Variants in TNNI3K observed in about 807,000 individuals in gnomAD.
TNNI3K encodes serine/threonine-protein kinase TNNI3K.
In TNNI3K, 140 loss-of-function variants were observed where a neutral mutation model predicts 114.5. The ratio of observed to expected loss-of-function variants is 1.22; its 90% CI spans 1.07 to 1.41. The LOEUF is 1.41. Among genes scored for constraint, TNNI3K ranks in the 40% most tolerant of loss-of-function variants. The pLI, the probability that TNNI3K is intolerant of heterozygous loss-of-function variation, is 0.00. For synonymous variants in TNNI3K, 347 were observed against 347.5 expected (o/e 1.00, Z 0.02); for missense variants, 1,125 against 1,007.6 (o/e 1.12, Z -1.58).
At chr1:74,355,948 G>C (rs1661633387) in intron 11 of TNNI3K, among the ~76,000 whole-genome samples, 1 of 151,978 alleles carries the variant, frequency 6.6e-6, no homozygotes, top group African/African-American at 2.4e-5. Flanking sequence ...TAACCATATA[G>C]GTCAATGAAT....
chr1:74,486,748 A>T (rs1334911717), intron 21 of TNNI3K, among the ~76,000 whole-genome samples: 1 of 152,058 alleles, frequency 6.6e-6, no homozygotes, highest in Admixed American at 6.6e-5. Flanking sequence ...AAGCTTAAAG[A>T]TAAGGAGGAG....
chr1:74,302,566 T>A (rs1476255686), intron 5 of TNNI3K, among the ~76,000 whole-genome samples: 1 of 152,164 alleles, frequency 6.6e-6, no homozygotes, highest in Non-Finnish European at 1.5e-5. Context: ...AGTGCACATA[T>A]GAATGATAAG....
intron 11 of TNNI3K, among the ~76,000 whole-genome samples, chr1:74,358,995 A>T (rs1452590339): frequency 6.6e-6 from 1 of 152,000 alleles, no homozygotes; most frequent in Non-Finnish European, 1.5e-5. Flanking sequence ...TGTTTTATAG[A>T]TAAAGAGATT....
At chr1:74,402,654 C>T (rs557116328) in intron 17 of TNNI3K, among the ~76,000 whole-genome samples, 3 of 152,102 alleles carry the variant, frequency 2.0e-5, no homozygotes, top group African/African-American at 7.2e-5. Context: ...ACATTTTAAC[C>T]CACTTCTGAA....
At chr1:74,502,630 A>C (rs1356196527) in intron 23 of TNNI3K, among the ~76,000 whole-genome samples, 3 of 152,176 alleles carry the variant, frequency 2.0e-5, no homozygotes, top group Non-Finnish European at 4.4e-5. Context: ...CCTCGCACTT[A>C]AACTGCCAGA....
intron 5 of TNNI3K, among the ~76,000 whole-genome samples, chr1:74,303,042 CTT>C (rs1483637115): frequency 1.3e-5 from 2 of 152,148 alleles, no homozygotes; most frequent in African/African-American, 4.8e-5. Flanking sequence ...CAGCAGGTGA[CTT>C]TACCTAGAAG....
chr1:74,489,186 C>G lies in TNNI3K; in HGVS notation c.2122-3C>G, dbSNP rs778956963. 1 of 1,609,260 alleles carries G rather than the reference C, an allele frequency of 6.2e-7. No homozygotes were observed. The highest frequency in any genetic ancestry group is 2.2e-5 in the East Asian group (1 of 44,642). On this transcript the variant is annotated splice_polypyrimidine_tract_variant and splice_region_variant and intron_variant, in intron 21 of 24. Transcript: ENST00000326637. ...GGAAAAAAGTTCTTTTTTCTATTTACAGGGAAGACCCGAATTTTCTGAAGT... is the reference window on the plus strand; with the variant it reads ...GGAAAAAAGTTCTTTTTTCTATTTAGAGGGAAGACCCGAATTTTCTGAAGT...
intron 17 of TNNI3K, chr1:74,416,544 A>G (rs1665123287): frequency 3.0e-6 from 3 of 985,296 alleles, no homozygotes; most frequent in African/African-American, 1.7e-5. Context: ...TCCAAGAACC[A>G]AATTATAACT....
intron 6 of TNNI3K, among the ~76,000 whole-genome samples, chr1:74,334,263 C>T (rs916852002): frequency 6.6e-6 from 1 of 152,156 alleles, no homozygotes; most frequent in Non-Finnish European, 1.5e-5. Context: ...ACTCAGTTCC[C>T]CACATCACAC....
chr1:74,295,996 C>A (rs2100302868), intron 5 of TNNI3K, among the ~76,000 whole-genome samples: 1 of 152,150 alleles, frequency 6.6e-6, no homozygotes, highest in Non-Finnish European at 1.5e-5. Context: ...TAAATTTGGG[C>A]CGGGCGCCAT....
At chr1:74,308,467 A>G (rs1433065821) in intron 5 of TNNI3K, among the ~76,000 whole-genome samples, 2 of 152,154 alleles carry the variant, frequency 1.3e-5, no homozygotes, top group African/African-American at 4.8e-5. Context: ...AAACAATGAA[A>G]AGACTCACAC....
At chr1:74,310,075 A>G (rs889473566) in intron 5 of TNNI3K, among the ~76,000 whole-genome samples, 2 of 152,176 alleles carry the variant, frequency 1.3e-5, no homozygotes, top group Non-Finnish European at 2.9e-5. Context: ...GATTCCTCCA[A>G]AAGACTCCTA....
intron 9 of TNNI3K, among the ~76,000 whole-genome samples, chr1:74,349,558 C>T (rs1244591453): frequency 6.6e-6 from 1 of 152,126 alleles, no homozygotes; most frequent in African/African-American, 2.4e-5. Flanking sequence ...ACCAGCTCCT[C>T]CTTGTACCTC....
chr1:74,523,188 C>T lies in TNNI3K; in HGVS notation c.2352-17046C>T, dbSNP rs185141020. 3.8e-4 allele frequency among the ~76,000 whole-genome samples: 58 copies of T among 152,274 alleles called. No homozygotes were observed. The East Asian group carries it at 0.01, about 27-fold the overall frequency. On this transcript the variant is annotated intron_variant, in intron 23 of 24. Transcript: ENST00000326637. ...AACAATATATATAATAATACCGATA[C>T]CACACAGTTGCTGGGAAGATTAAAT...
At chr1:74,370,206 A>T in intron 16 of TNNI3K, 82 bp from the exon 17 acceptor site, 1 of 1,235,796 alleles carries the variant, frequency 8.1e-7, no homozygotes, top group East Asian at 2.7e-5. Context: ...ATGATATAAA[A>T]TAACAACTCT....
At chr1:74,405,003 GT>G (rs1204400666) in intron 17 of TNNI3K, among the ~76,000 whole-genome samples, 2 of 152,156 alleles carry the variant, frequency 1.3e-5, no homozygotes, top group East Asian at 3.9e-4. Flanking sequence ...GAAGTTTACA[GT>G]TTAAAAAAAG....
At chr1:74,429,936 G>A (rs1456646415) in intron 17 of TNNI3K, among the ~76,000 whole-genome samples, 1 of 152,056 alleles carries the variant, frequency 6.6e-6, no homozygotes, top group African/African-American at 2.4e-5. Flanking sequence ...CTGCACTTCT[G>A]GGGGCTGTCA....
intron 17 of TNNI3K, among the ~76,000 whole-genome samples, chr1:74,428,464 G>A (rs985988669): frequency 1.3e-5 from 2 of 152,036 alleles, no homozygotes; most frequent in Admixed American, 1.3e-4. Context: ...GGATTAATGG[G>A]GAAGTCTACA....
chr1:74,486,233 G>GA (rs200856016), intron 21 of TNNI3K, among the ~76,000 whole-genome samples: 7 of 150,094 alleles, frequency 4.7e-5, no homozygotes, highest in South Asian at 2.1e-4. Context: ...GAGAGAGAGA[G>GA]GTGGGAAATA....
Sources: gnomAD v4.1 joint callset for allele counts (sites outside exome capture counted in the v4.1 genomes callset) on GRCh38, gnomAD v4.1.1 for gene constraint, MANE v1.5 for transcripts, NCBI Gene and HGNC (gene_info 2026-07-23, HGNC 2026-07-21) for gene names.